Variants in HIVEP3 observed in about 807,000 individuals in gnomAD.
The protein encoded by HIVEP3 is HIVEP zinc finger 3.
HIVEP3 carries 49 observed loss-of-function variants against 152.8 expected under a neutral mutation model. That is an observed-to-expected ratio of 0.32 (90% CI 0.26 to 0.41). HIVEP3 has a LOEUF of 0.41. HIVEP3 is among the 10% of genes least tolerant of loss of function. The probability of loss-of-function intolerance (pLI) is 1.00; values close to 1 mark genes in which losing one functional copy is unlikely to be tolerated. For missense variants in HIVEP3, 2,790 were observed against 3,103.3 expected, an observed-to-expected ratio of 0.90 and a Z score of 2.40; for synonymous variants, 1,269 against 1,289.0, an observed-to-expected ratio of 0.98 and a Z score of 0.33.
chr1:41,797,715 A>G (rs1400141759), intron 1 of HIVEP3, among the ~76,000 whole-genome samples: 1 of 152,210 alleles, frequency 6.6e-6, no homozygotes, highest in African/African-American at 2.4e-5. Flanking sequence ...TAGGTCAGGC[A>G]CGGTGGCTCA....
chr1:41,572,303 G>T (rs555879800), intron 5 of HIVEP3, among the ~76,000 whole-genome samples: 1 of 152,308 alleles, frequency 6.6e-6, no homozygotes, highest in South Asian at 2.1e-4. Context: ...CACTACCAAG[G>T]GAGAATGCTC....
At chr1:41,529,955 C>T (rs1450268337) in intron 5 of HIVEP3, among the ~76,000 whole-genome samples, 5 of 132,712 alleles carry the variant, frequency 3.8e-5, no homozygotes, top group East Asian at 2.0e-4. Context: ...CACCCTAACA[C>T]GCTCACAGTC....
chr1:41,658,715 C>T (rs756080626), intron 2 of HIVEP3, among the ~76,000 whole-genome samples: 2 of 152,162 alleles, frequency 1.3e-5, no homozygotes, highest in Non-Finnish European at 2.9e-5. Flanking sequence ...CATCCCATCC[C>T]CCGCTTGGCA....
chr1:41,846,023 C>A (rs375975442), intron 1 of HIVEP3, among the ~76,000 whole-genome samples: 3 of 152,120 alleles, frequency 2.0e-5, no homozygotes, highest in Non-Finnish European at 4.4e-5. Context: ...AAGATTGCGC[C>A]GCTGCATTCC....
chr1:41,578,069 G>C (rs1644352232), intron 4 of HIVEP3, among the ~76,000 whole-genome samples: 1 of 152,218 alleles, frequency 6.6e-6, no homozygotes, highest in South Asian at 2.1e-4. Context: ...AGGCAGCTTA[G>C]ATAATTCAAA....
chr1:41,843,181 G>A (rs1400728093), intron 1 of HIVEP3, among the ~76,000 whole-genome samples: 3 of 151,916 alleles, frequency 2.0e-5, no homozygotes, highest in Admixed American at 6.6e-5. Context: ...CGGCATATGC[G>A]CCTTCCCAGA....
At chr1:41,754,306 G>A (rs781519505) in intron 1 of HIVEP3, among the ~76,000 whole-genome samples, 113 of 152,124 alleles carry the variant, frequency 7.4e-4, no homozygotes, top group Non-Finnish European at 7.8e-4. Context: ...CAACCCTCTG[G>A]CTTCTGGGTG....
chr1:41,666,137 G>A (rs2124059026), intron 2 of HIVEP3, among the ~76,000 whole-genome samples: 1 of 152,224 alleles, frequency 6.6e-6, no homozygotes, highest in Non-Finnish European at 1.5e-5. Context: ...GTGTGTGTGT[G>A]TGTGTATGTG....
rs1292192343 is a variant in HIVEP3, at chr1:41,544,964, C to CATCACTACT, written c.5208-20055_5208-20054insAGTAGTGAT. Among the ~76,000 whole-genome samples the CATCACTACT allele has an allele frequency of 6.8e-4, 23 of 34,052 alleles. 3 individuals are homozygous for CATCACTACT. Among genetic ancestry groups the CATCACTACT allele is most frequent in the Admixed American group, 1.7e-3 (6 of 3,554 alleles). The allele number at this position is 34,052 out of a possible 152,430, so 22.3% of individuals were successfully genotyped here. A position where few individuals can be genotyped will look rare whatever the true frequency, so the allele number is the denominator to read the frequency against. ...CCACCACTACCACCTCTACCATCAC[C>CATCACTACT]ACCACCACCACTATCACCGCCACCA... On this transcript the variant is annotated intron_variant, in intron 5 of 8. Coordinates refer to ENST00000372583, the MANE Select transcript of HIVEP3 (RefSeq NM_024503.5).
chr1:41,591,562 G>A (rs182121166), intron 3 of HIVEP3, among the ~76,000 whole-genome samples: 44 of 152,062 alleles, frequency 2.9e-4, no homozygotes, highest in Non-Finnish European at 5.7e-4. Flanking sequence ...AAATCATCAC[G>A]ATCCTGGCAC....
chr1:41,985,831 C>T lies in HIVEP3; in HGVS notation n.119+49976G>A, dbSNP rs1046887072. 1.2e-4 allele frequency among the ~76,000 whole-genome samples: 19 copies of T among 152,266 alleles called. 1 individual carries two copies. The highest frequency in any genetic ancestry group is 4.6e-4 in the African/African-American group (19 of 41,538). On this transcript the variant is annotated intron_variant and non_coding_transcript_variant, in intron 1 of 3. Transcript: ENST00000489103. ...CAGATGCTTGTCCATGTCTAGTTGGCTATGGAGTAGATTTGACTCCTAATA... is the reference window on the plus strand; with the variant it reads ...CAGATGCTTGTCCATGTCTAGTTGGTTATGGAGTAGATTTGACTCCTAATA...
intron 1 of HIVEP3, among the ~76,000 whole-genome samples, chr1:41,966,716 C>T (rs1235678974): frequency 2.6e-5 from 4 of 151,070 alleles, no homozygotes; most frequent in East Asian, 1.9e-4. Context: ...CTCCTGACCT[C>T]GTGATCCACC....
intron 1 of HIVEP3, among the ~76,000 whole-genome samples, chr1:41,706,365 T>C (rs1646434156): frequency 6.6e-6 from 1 of 152,234 alleles, no homozygotes. Context: ...CACTGCAACC[T>C]CTGCCTCCCA....
intron 1 of HIVEP3, among the ~76,000 whole-genome samples, chr1:41,966,475 CTT>C (rs58470482): frequency 1.9e-4 from 18 of 95,804 alleles, no homozygotes; most frequent in African/African-American, 4.1e-4. Flanking sequence ...GTGCTGTATT[CTT>C]TTTTTTTTTT....
At chr1:41,804,026 C>T (rs1006931739) in intron 1 of HIVEP3, among the ~76,000 whole-genome samples, 1 of 152,204 alleles carries the variant, frequency 6.6e-6, no homozygotes, top group African/African-American at 2.4e-5. Flanking sequence ...AGTTTCTCCT[C>T]TTATTTTCCC....
rs146063709 is a variant in HIVEP3 at position 41,616,861 on chromosome 1, T to G, written c.-522+11888A>C. Among the ~76,000 whole-genome samples, 78 of 152,358 alleles carry G rather than the reference T, an allele frequency of 5.1e-4. 1 individual carries two copies. Among genetic ancestry groups the G allele is most frequent in the African/African-American group, 1.6e-3 (67 of 41,580 alleles). On this transcript the variant is annotated intron_variant, in intron 3 of 8. Transcript: ENST00000372583. The stretch of plus-strand genomic sequence containing the variant: ...CAGGCCAATAGGTTGTGAGCAGTTA[T>G]CCTGTACCAGGCACAGTTATAAGCA...
chr1:41,549,265 G>C (rs1007492665), intron 5 of HIVEP3, among the ~76,000 whole-genome samples: 10 of 152,162 alleles, frequency 6.6e-5, no homozygotes, highest in African/African-American at 9.7e-5. Context: ...TCTTAATCCA[G>C]TCTATCATTG....
chr1:41,599,982 A>AT (rs1184406985), intron 3 of HIVEP3, among the ~76,000 whole-genome samples: 2 of 152,304 alleles, frequency 1.3e-5, no homozygotes, highest in East Asian at 3.9e-4. Flanking sequence ...ACCATTACCA[A>AT]TTACTAGGGA....
At position 41,815,716 on chromosome 1, in the gene HIVEP3, C is replaced by T. The variant is rs563461570; in HGVS notation, c.-801+102697G>A. Among the ~76,000 whole-genome samples, 8 of 151,364 alleles carry T rather than the reference C, an allele frequency of 5.3e-5. No individual in the cohort carries two copies. The East Asian group carries it at 7.8e-4, about 15-fold the overall frequency. On this transcript the variant is annotated intron_variant, in intron 1 of 8. Coordinates refer to ENST00000372583, the MANE Select transcript of HIVEP3 (RefSeq NM_024503.5). The stretch of plus-strand genomic sequence containing the variant: ...AGGCATGAAAACACATATCATGAAT[C>T]GCCAACAAGTGCCGTAGGAATCGAT...
Sources: allele counts gnomAD v4.1 joint callset (sites outside exome capture counted in the v4.1 genomes callset), GRCh38; gene constraint gnomAD v4.1.1; transcripts MANE v1.5; gene names NCBI Gene and HGNC (gene_info 2026-07-23, HGNC 2026-07-21).